FER1L6: variants seen among roughly 807,000 people sequenced by gnomAD.
FER1L6 encodes fer-1-like protein 6.
FER1L6 carries 177 observed loss-of-function variants against 219.2 expected under a neutral mutation model. The observed-to-expected ratio is 0.81, with a 90% CI of 0.71 to 0.91. The LOEUF is 0.91. Among genes scored for constraint, FER1L6 ranks in the 40% least tolerant of loss-of-function variants. The pLI is 0.00. For synonymous variants in FER1L6, 768 were observed against 824.3 expected, an observed-to-expected ratio of 0.93 and a Z score of 1.17; for missense variants, 2,153 against 2,259.9, an observed-to-expected ratio of 0.95 and a Z score of 0.96.
At chr8:124,076,731 ACAAGGCAGC>A (rs553042985) in intron 32 of FER1L6, among the ~76,000 whole-genome samples, 16 of 152,208 alleles carry the variant, frequency 1.1e-4, no homozygotes, top group Non-Finnish European at 1.8e-4. Context: ...CTTTTTATAA[ACAAGGCAGC>A]CAAGGTCTAG....
At chr8:124,114,128 A>G (rs1823133415) in intron 39 of FER1L6, among the ~76,000 whole-genome samples, 1 of 152,036 alleles carries the variant, frequency 6.6e-6, no homozygotes, top group Non-Finnish European at 1.5e-5. Context: ...CTATTTACCT[A>G]TCTACTATCA....
At chr8:123,997,423 T>G (rs1442576860) in intron 12 of FER1L6, among the ~76,000 whole-genome samples, 1 of 152,218 alleles carries the variant, frequency 6.6e-6, no homozygotes, top group Non-Finnish European at 1.5e-5. Flanking sequence ...TTCTTTTCTC[T>G]TGCTGCTTTT....
intron 1 of FER1L6, among the ~76,000 whole-genome samples, chr8:123,865,328 G>A (rs1586427898): frequency 1.3e-5 from 2 of 149,808 alleles, no homozygotes; most frequent in East Asian, 3.9e-4. Flanking sequence ...TGAGGAGGCA[G>A]TCTGCCCGTT....
chr8:123,874,716 T>C (rs1816976017), intron 1 of FER1L6, among the ~76,000 whole-genome samples: 1 of 152,218 alleles, frequency 6.6e-6, no homozygotes, highest in South Asian at 2.1e-4. Flanking sequence ...TTCCAGTTGT[T>C]CTTCTCCATC....
intron 22 of FER1L6, among the ~76,000 whole-genome samples, chr8:124,054,910 G>A (rs1820211971): frequency 6.6e-6 from 1 of 152,212 alleles, no homozygotes; most frequent in South Asian, 2.1e-4. Flanking sequence ...CAGATCCAGT[G>A]TATTCCGAAG....
intron 1 of FER1L6, among the ~76,000 whole-genome samples, chr8:123,955,223 C>T (rs555426866): frequency 7.9e-5 from 12 of 152,204 alleles, no homozygotes; most frequent in East Asian, 1.9e-4. Flanking sequence ...GAGCTGAGAT[C>T]GCGCCACTGT....
chr8:123,855,672 G>GA (rs1426824460), intron 1 of FER1L6, among the ~76,000 whole-genome samples: 1 of 133,960 alleles, frequency 7.5e-6, no homozygotes, highest in Non-Finnish European at 1.6e-5. Flanking sequence ...CTTTTAAAGT[G>GA]AAAACCATAT....
At chr8:124,023,402 A>G (rs1818549471) in intron 17 of FER1L6, 42 bp from the exon 18 acceptor site, 1 of 1,592,182 alleles carries the variant, frequency 6.3e-7, no homozygotes, top group South Asian at 1.1e-5. Context: ...CAACCTTTCA[A>G]ATCCCATTCC....
At chr8:124,012,238 G>T (rs978001975) in intron 14 of FER1L6, among the ~76,000 whole-genome samples, 2 of 152,094 alleles carry the variant, frequency 1.3e-5, no homozygotes, top group African/African-American at 4.8e-5. Flanking sequence ...ACAAAGTATT[G>T]TCTCTGACCA....
chr8:123,916,226 C>T (rs541685934), intron 1 of FER1L6, among the ~76,000 whole-genome samples: 4 of 152,312 alleles, frequency 2.6e-5, no homozygotes, highest in African/African-American at 4.8e-5. Context: ...CAGTTGCTAA[C>T]GAATATCTGT....
intron 24 of FER1L6, 119 bp from the exon 25 acceptor site, chr8:124,061,733 C>T: frequency 1.1e-6 from 1 of 927,612 alleles, no homozygotes; most frequent in Non-Finnish European, 1.6e-6. Flanking sequence ...ATCTGCAGGA[C>T]TGGCCAGGAG....
At position 124,071,562 on chromosome 8, in the gene FER1L6, G is replaced by A; in HGVS notation, c.4023G>A (p.Gln1341=). 3.1e-6 allele frequency: 5 copies of A among 1,614,128 alleles called. No homozygotes were observed. The highest frequency in any genetic ancestry group is 4.2e-6 in the Non-Finnish European group (5 of 1,179,996). ...ATTCTAGCTCTGAGGACAGCGGGCA[G>A]CTGAGAATCCAGCAAGGGATTCCGC... The part of the protein sequence containing the change: ...PQDSSSEDSG[Q]LRIQQGIPPN... The change falls in exon 31 of 41, where the codon CAG becomes CAA. Residue 1341 remains glutamine, a synonymous_variant. Transcript: ENST00000522917.
intron 1 of FER1L6, among the ~76,000 whole-genome samples, chr8:123,911,590 C>T (rs1433114924): frequency 6.6e-6 from 1 of 152,164 alleles, no homozygotes. Context: ...CATTCTGTGT[C>T]CATCTTCCTG....
intron 29 of FER1L6, among the ~76,000 whole-genome samples, 163 bp from the exon 30 acceptor site, chr8:124,070,298 TGCTGAG>T (rs1243034244): frequency 2.0e-5 from 3 of 152,176 alleles, no homozygotes; most frequent in African/African-American, 7.2e-5. Flanking sequence ...GTTTCAGGAG[TGCTGAG>T]CCAATCCACG....
chr8:124,030,421 A>G (rs1232947281), intron 18 of FER1L6, among the ~76,000 whole-genome samples: 3 of 152,132 alleles, frequency 2.0e-5, no homozygotes, highest in African/African-American at 7.2e-5. Flanking sequence ...AACTCAGCCC[A>G]ACTCACCACT....
chr8:123,934,365 C>T (rs1310685459), intron 1 of FER1L6, among the ~76,000 whole-genome samples: 2 of 151,808 alleles, frequency 1.3e-5, no homozygotes, highest in African/African-American at 4.8e-5. Flanking sequence ...CATTTAGTCA[C>T]AATGTTTCTA....
At chr8:123,964,855 CT>C (rs1409903228) in intron 3 of FER1L6, among the ~76,000 whole-genome samples, 1 of 152,128 alleles carries the variant, frequency 6.6e-6, no homozygotes, top group Non-Finnish European at 1.5e-5. Context: ...GTCATATTTT[CT>C]TTACCCTATG....
intron 1 of FER1L6, among the ~76,000 whole-genome samples, chr8:123,854,981 A>T (rs567586518): frequency 2.6e-5 from 4 of 152,208 alleles, no homozygotes; most frequent in African/African-American, 9.6e-5. Context: ...ATGGCTTACA[A>T]TCATCACCTC....
At chr8:123,859,298 G>C (rs1816703213) in intron 1 of FER1L6, among the ~76,000 whole-genome samples, 1 of 152,176 alleles carries the variant, frequency 6.6e-6, no homozygotes, top group South Asian at 2.1e-4. Flanking sequence ...ACCATGCCTA[G>C]CCTATTTATT....
Sources: gnomAD v4.1 joint callset for allele counts (sites outside exome capture counted in the v4.1 genomes callset) on GRCh38, gnomAD v4.1.1 for gene constraint, MANE v1.5 for transcripts, NCBI Gene and HGNC (gene_info 2026-07-23, HGNC 2026-07-21) for gene names.